Variants in SSX7 observed in about 807,000 individuals in gnomAD.
SSX7 encodes the protein protein SSX7.
SSX7 carries 15 observed loss-of-function variants against 14.7 expected under a neutral mutation model. The ratio of observed to expected loss-of-function variants is 1.02; its 90% CI spans 0.68 to 1.58. The LOEUF (loss-of-function observed/expected upper bound fraction) is 1.58. Ranked by LOEUF, SSX7 falls within the 40% of genes most tolerant of loss-of-function variation. The pLI is 0.00. For missense variants in SSX7, 178 were observed against 146.8 expected, an observed-to-expected ratio of 1.21 and a Z score of -1.10; for synonymous variants, 46 against 50.6, an observed-to-expected ratio of 0.91 and a Z score of 0.38.
intron 7 of SSX7, among the ~76,000 whole-genome samples, chrX:52,645,076 T>C (rs1354421652): frequency 9.0e-6 from 1 of 110,888 alleles, no homozygotes; most frequent in Non-Finnish European, 1.9e-5. Flanking sequence ...GAGACCATCC[T>C]GGCTAACACG....
At chrX:52,648,669 G>T (rs1974079729) in intron 5 of SSX7, among the ~76,000 whole-genome samples, 1 of 111,387 alleles carries the variant, frequency 9.0e-6, no homozygotes, top group African/African-American at 3.3e-5. Flanking sequence ...TTGAGAGTTT[G>T]GTATACAAAA....
rs1214335894 is a variant in SSX7 at position 52,650,375 on chromosome X, C to T, written c.308G>A (p.Arg103Lys). Residue 103 changes from arginine (R) to lysine (K), a missense_variant, in exon 5 of 8, where the codon AGG becomes AAG. Arg to Lys is a conservative substitution (Grantham distance 26). Transcript: ENST00000298181. ...CACCTTCGGGAAGATTCTCTGGAGC[C>T]TGCAAAAAGTCATCTGAGGACGTTC... ...QVERPQMTFCRLQRIFPKIMP... is the reference protein window; with the variant it reads ...QVERPQMTFCKLQRIFPKIMP... 9.1e-6 allele frequency: 11 copies of T among 1,208,952 alleles called. No homozygotes were observed. In the African/African-American group the frequency reaches 1.6e-4, roughly 17 times the overall value.
At position 52,652,278 on chromosome X, in the gene SSX7, T is replaced by C. The variant is rs1556767112; in HGVS notation, c.254A>G (p.Asp85Gly). Residue 85 changes from aspartate (D) to glycine (G), a missense_variant, in exon 4 of 8, where the codon GAT becomes GGT. By Grantham distance (94) the Asp-to-Gly change is moderately conservative (BLOSUM62 -1). Transcript: ENST00000298181. Reference sequence around the variant, plus strand: ...CTGATTCCCTTGGTTACGGTCATTATCAAAATCATTCCCCTGGAGGTCTGT... The same window carrying C: ...CTGATTCCCTTGGTTACGGTCATTACCAAAATCATTCCCCTGGAGGTCTGT... ...GATDLQGNDF[D>G]NDRNQGNQVE... 8.3e-7 allele frequency: 1 copy of C among 1,208,925 alleles called. No individual in the cohort carries two copies. Among genetic ancestry groups the C allele is most frequent in the Admixed American group, 2.2e-5 (1 of 45,835 alleles).
At chrX:52,644,853 C>G (rs1342635803) in intron 7 of SSX7, among the ~76,000 whole-genome samples, 183 bp from the exon 8 acceptor site, 7 of 111,539 alleles carry the variant, frequency 6.3e-5, no homozygotes, top group African/African-American at 2.0e-4. Context: ...GACTTCTTCG[C>G]CTGGGTTATC....
At chrX:52,645,999 T>C (rs782746258) in intron 6 of SSX7, among the ~76,000 whole-genome samples, 3 of 112,004 alleles carry the variant, frequency 2.7e-5, no homozygotes, top group African/African-American at 9.7e-5. Context: ...ATATTATTAC[T>C]GAAATTGTTT....
At chrX:52,650,263 G>T (rs1243880516) in intron 5 of SSX7, 90 bp downstream of exon 5, 13 of 1,099,357 alleles carry the variant, frequency 1.2e-5, no homozygotes, top group Non-Finnish European at 1.6e-5. Context: ...AGGCAGTGAG[G>T]GCATTTTTTA....
At chrX:52,646,040 T>C (rs1925235861) in intron 6 of SSX7, among the ~76,000 whole-genome samples, 3 of 111,493 alleles carry the variant, frequency 2.7e-5, no homozygotes, top group South Asian at 7.4e-4. Flanking sequence ...AAAATAATTT[T>C]AATTTTTTAA....
chrX:52,648,682 T>G (rs1458993839), intron 5 of SSX7, among the ~76,000 whole-genome samples: 1 of 111,368 alleles, frequency 9.0e-6, no homozygotes, highest in Non-Finnish European at 1.9e-5. Flanking sequence ...ATACAAAAGA[T>G]TGGAAGAAGG....
At chrX:52,649,135 T>C (rs1925344574) in intron 5 of SSX7, among the ~76,000 whole-genome samples, 1 of 111,334 alleles carries the variant, frequency 9.0e-6, no homozygotes, top group Admixed American at 9.5e-5. Context: ...TGTGTTTAAG[T>C]GACTCATGCA....
At chrX:52,647,518 G>A (rs1229040802) in intron 6 of SSX7, among the ~76,000 whole-genome samples, 1 of 111,529 alleles carries the variant, frequency 9.0e-6, no homozygotes, top group African/African-American at 3.3e-5. Context: ...GTTAATCAAT[G>A]TGGCAAATTT....
intron 6 of SSX7, 74 bp downstream of exon 6, chrX:52,648,187 C>G: frequency 8.6e-7 from 1 of 1,161,716 alleles, no homozygotes; most frequent in East Asian, 3.0e-5. Flanking sequence ...GGGGTCCATG[C>G]CACACACCCA....
In SSX7 at chrX:52,652,263, T is replaced by C. The variant is rs782338818; in HGVS notation, c.269A>G (p.Gln90Arg). 2.3e-5 allele frequency: 28 copies of C among 1,202,323 alleles called. No individual in the cohort carries two copies. The highest frequency in any genetic ancestry group is 1.1e-4 in the South Asian group (6 of 56,487). ...TCCCGTCTACTCACCCTGATTCCCT[T>C]GGTTACGGTCATTATCAAAATCATT... is the stretch of plus-strand genomic sequence containing the variant. Reference protein sequence around the residue: ...QGNDFDNDRNQGNQVERPQMT... With the variant: ...QGNDFDNDRNRGNQVERPQMT... Residue 90 changes from glutamine (Q) to arginine (R), a missense_variant, in exon 4 of 8, where the codon CAA becomes CGA. Transcript: ENST00000298181.
At position 52,652,298 on chromosome X, in the gene SSX7, G is replaced by T. The variant is rs147448937; in HGVS notation, c.234C>A (p.Asp78Glu). ...CATTATCAAAATCATTCCCCTGGAG[G>T]TCTGTGGCCCCTGTATTATGCATGA... Reference protein sequence around the residue: ...PPFMHNTGATDLQGNDFDNDR... With the variant: ...PPFMHNTGATELQGNDFDNDR... Residue 78 changes from aspartate to glutamate, a missense_variant, in exon 4 of 8, where the codon GAC becomes GAA. Transcript: ENST00000298181. 1 of 1,209,627 alleles carries T rather than the reference G, an allele frequency of 8.3e-7. No individual in the cohort carries two copies. Among genetic ancestry groups the T allele is most frequent in the Non-Finnish European group, 1.1e-6 (1 of 894,496 alleles).
intron 5 of SSX7, among the ~76,000 whole-genome samples, chrX:52,648,927 C>G (rs782783042): frequency 4.8e-4 from 54 of 111,886 alleles, no homozygotes; most frequent in African/African-American, 1.6e-3. Context: ...TGGCATACCA[C>G]CCTACCGAGG....
chrX:52,651,025 G>T (rs1314408193), intron 4 of SSX7, among the ~76,000 whole-genome samples: 3 of 112,047 alleles, frequency 2.7e-5, no homozygotes, highest in African/African-American at 9.7e-5. Context: ...CAGAGCAGAA[G>T]AGCAAGGAAA....
rs782724120 is a variant in SSX7, at chrX:52,652,205, C to T, written c.280+47G>A. The stretch of plus-strand genomic sequence containing the variant: ...TTTCCCAAGTAGCTGAGCTGAAAAG[C>T]AGCTGGGCTTGAGGAGACCCTTTCC... On this transcript the variant is annotated intron_variant, in intron 4 of 7. Coordinates refer to ENST00000298181, the MANE Select transcript of SSX7 (RefSeq NM_173358.2). The T allele has an allele frequency of 2.9e-6, 3 of 1,026,265 alleles. No individual in the cohort carries two copies. The Admixed American group carries it at 6.6e-5, about 23-fold the overall frequency. The allele number at this position is 1,026,265 out of a possible 1,213,427, so 84.6% of individuals were successfully genotyped here.
intron 5 of SSX7, among the ~76,000 whole-genome samples, chrX:52,649,175 C>G: frequency 9.0e-6 from 1 of 111,302 alleles, no homozygotes; most frequent in Non-Finnish European, 1.9e-5. Context: ...GGACTGCAGG[C>G]AGGCGCTACC....
At chrX:52,650,184 G>T (rs1460520391) in intron 5 of SSX7, among the ~76,000 whole-genome samples, 169 bp downstream of exon 5, 4 of 112,378 alleles carry the variant, frequency 3.6e-5, no homozygotes, top group South Asian at 3.7e-4. Context: ...ATGTATTAAG[G>T]ATCACAACTG....
Sources: allele counts gnomAD v4.1 joint callset (sites outside exome capture counted in the v4.1 genomes callset), GRCh38; gene constraint gnomAD v4.1.1; transcripts MANE v1.5; gene names NCBI Gene and HGNC (gene_info 2026-07-23, HGNC 2026-07-21).